LRRC37A3: variants seen among roughly 807,000 people sequenced by gnomAD.
LRRC37A3 encodes the protein leucine rich repeat containing 37 member A3.
In LRRC37A3, 25 loss-of-function variants were observed where a neutral mutation model predicts 106.2. That is an observed-to-expected ratio of 0.24 (90% CI 0.17 to 0.33). The LOEUF (loss-of-function observed/expected upper bound fraction) is 0.33, where lower values mean the gene tolerates loss of function less well. LRRC37A3 is among the 10% of genes least tolerant of loss of function. The pLI is 1.00. For missense variants in LRRC37A3, 712 were observed against 1,644.9 expected, an observed-to-expected ratio of 0.43 and a Z score of 9.81; for synonymous variants, 305 against 635.8, an observed-to-expected ratio of 0.48 and a Z score of 7.83.
At chr17:64,902,842 G>A (rs1250302818) in intron 2 of LRRC37A3, among the ~76,000 whole-genome samples, 1 of 148,288 alleles carries the variant, frequency 6.7e-6, no homozygotes, top group African/African-American at 2.5e-5. Context: ...AAGGCAGACA[G>A]CACAAGGGTA....
chr17:64,876,392 C>T (rs1338388365), intron 8 of LRRC37A3, among the ~76,000 whole-genome samples: 3 of 152,034 alleles, frequency 2.0e-5, no homozygotes, highest in South Asian at 2.1e-4. Flanking sequence ...AGTATGTTGC[C>T]CTGGCTGGCC....
Position 64,859,782 on chromosome 17 carries a change from G to T in LRRC37A3, c.4364C>A (p.Ser1455Tyr). Residue 1455 changes from serine (S) to tyrosine (Y), a missense_variant, in exon 12 of 15, where the codon TCC becomes TAC. Physicochemically the swap from Ser to Tyr is moderately radical, Grantham distance 144. Transcript: ENST00000584306. ...GTAATTGAAGCTTTTGGGCTCGGGG[G>T]ACAGGTCAGTGCCCACGTTGTTGTA... The part of the protein sequence containing the change: ...WEYNNVGTDL[S>Y]PEPKSFNYPL... The T allele has an allele frequency of 6.2e-7, 1 of 1,612,382 alleles. No individual in the cohort carries two copies. The highest frequency in any genetic ancestry group is 2.2e-5 in the East Asian group (1 of 44,876).
At chr17:64,910,333 GCA>G (rs1259570064) in intron 2 of LRRC37A3, among the ~76,000 whole-genome samples, 3 of 152,250 alleles carry the variant, frequency 2.0e-5, no homozygotes, top group Non-Finnish European at 4.4e-5. Flanking sequence ...GACAGCGTGA[GCA>G]CAATTATATT....
At chr17:64,881,252 CT>C (rs1018394996) in intron 8 of LRRC37A3, 8 of 695,400 alleles carry the variant, frequency 1.2e-5, no homozygotes, top group East Asian at 2.7e-5. Flanking sequence ...CTTTTCTTTT[CT>C]TTTTTTTGAG....
intron 8 of LRRC37A3, among the ~76,000 whole-genome samples, chr17:64,875,454 C>A (rs1973478697): frequency 6.6e-6 from 1 of 152,036 alleles, no homozygotes; most frequent in African/African-American, 2.4e-5. Flanking sequence ...TGCTAGAAGA[C>A]CTGCCCTATA....
At chr17:64,866,612 ATATATATATATATATATT>A (rs1973098280) in intron 10 of LRRC37A3, among the ~76,000 whole-genome samples, 2 of 21,362 alleles carry the variant, frequency 9.4e-5, no homozygotes, top group African/African-American at 5.4e-4. Context: ...ATATATATAT[ATATATATATATATATATT>A]TTTTTTTTTT....
chr17:64,866,612 A>ACACG (rs1350281883), intron 10 of LRRC37A3, among the ~76,000 whole-genome samples: 2 of 21,382 alleles, frequency 9.4e-5, no homozygotes, highest in African/African-American at 2.7e-4. Flanking sequence ...ATATATATAT[A>ACACG]TATATATATA....
intron 8 of LRRC37A3, among the ~76,000 whole-genome samples, chr17:64,880,195 G>A (rs6504262): frequency 0.96 from 145,316 of 151,672 alleles, 69,683 homozygotes; most frequent in East Asian, 1. Flanking sequence ...TGCCTGGGCC[G>A]TGGAGAGACT....
At chr17:64,863,150 G>C (rs536169910) in intron 10 of LRRC37A3, 132 bp from the exon 11 acceptor site, 1 of 1,217,466 alleles carries the variant, frequency 8.2e-7, no homozygotes, top group South Asian at 1.2e-5. Flanking sequence ...AGTTGGGTAG[G>C]AACCAGAAGG....
chr17:64,866,609 TA>T (rs1973095765), intron 10 of LRRC37A3, among the ~76,000 whole-genome samples: 1 of 20,206 alleles, frequency 4.9e-5, no homozygotes, highest in Non-Finnish European at 8.1e-5. Flanking sequence ...TATATATATA[TA>T]TATATATATA....
chr17:64,856,486 G>C (rs1022394721), intron 13 of LRRC37A3, among the ~76,000 whole-genome samples: 1 of 150,638 alleles, frequency 6.6e-6, no homozygotes, highest in African/African-American at 2.5e-5. Flanking sequence ...CTGGCCCCAT[G>C]TAATTTAAGT....
chr17:64,862,032 T>A (rs1293544068), intron 11 of LRRC37A3, among the ~76,000 whole-genome samples: 9 of 152,248 alleles, frequency 5.9e-5, no homozygotes, highest in Admixed American at 5.9e-4. Flanking sequence ...GATCTTGTTT[T>A]TCCTCATCTG....
intron 10 of LRRC37A3, among the ~76,000 whole-genome samples, chr17:64,865,578 T>C (rs1973040116): frequency 6.6e-6 from 1 of 152,244 alleles, no homozygotes; most frequent in Non-Finnish European, 1.5e-5. Context: ...TAGTTGCTAA[T>C]ACTTTGCCAC....
intron 8 of LRRC37A3, among the ~76,000 whole-genome samples, chr17:64,870,878 C>T (rs565679764): frequency 2.6e-4 from 39 of 151,852 alleles, no homozygotes; most frequent in African/African-American, 8.9e-4. Context: ...ACTCCCCTCC[C>T]CTCCCCACCC....
At chr17:64,889,941 AAC>A (rs1398315831) in intron 5 of LRRC37A3, among the ~76,000 whole-genome samples, 189 bp from the exon 6 acceptor site, 11 of 27,480 alleles carry the variant, frequency 4.0e-4, no homozygotes, top group Admixed American at 8.1e-4. Flanking sequence ...CACCACCACA[AAC>A]ACACACACAC....
At chr17:64,914,376 T>A (rs1974658628) in intron 2 of LRRC37A3, among the ~76,000 whole-genome samples, 1 of 151,414 alleles carries the variant, frequency 6.6e-6, no homozygotes, top group Non-Finnish European at 1.5e-5. Context: ...CTGGCCAACA[T>A]GGTGAAACCT....
At chr17:64,866,624 ATATATTTTT>A (rs1297444089) in intron 10 of LRRC37A3, among the ~76,000 whole-genome samples, 2 of 23,914 alleles carry the variant, frequency 8.4e-5, no homozygotes, top group African/African-American at 2.3e-4. Flanking sequence ...ATATATATAT[ATATATTTTT>A]TTTTTTTTTT....
At position 64,854,463 on chromosome 17, in the gene LRRC37A3, G is replaced by A; in HGVS notation, c.*136C>T. 2.4e-6 allele frequency: 3 copies of A among 1,252,006 alleles called. No homozygotes were observed. Among genetic ancestry groups the A allele is most frequent in the Non-Finnish European group, 3.4e-6 (3 of 873,800 alleles). The allele number at this position is 1,252,006 out of a possible 1,614,324, so 77.6% of individuals were successfully genotyped here. A position where few individuals can be genotyped will look rare whatever the true frequency, so the allele number is the denominator to read the frequency against. ...TAATTAGACTGGGAAACAAGGGCAG[G>A]AACGATGGCCCTGTGCTTGCTCTGC... On this transcript the variant is annotated 3_prime_UTR_variant, in exon 15 of 15. Transcript: ENST00000584306.
In LRRC37A3 at chr17:64,860,760, G is replaced by A. The variant is rs752813580; in HGVS notation, c.3386C>T (p.Ala1129Val). 102 of 1,613,972 alleles carry A rather than the reference G, an allele frequency of 6.3e-5. No individual in the cohort carries two copies. Among genetic ancestry groups the A allele is most frequent in the Non-Finnish European group, 8.6e-5 (101 of 1,179,984 alleles). ...TLSYILPYFS[A>V]VNLDVKSLLL... The stretch of plus-strand genomic sequence containing the variant: ...CAGTGATTTCACATCTAGGTTAACG[G>A]CTGAGAAATAAGGTAAGATGTAACT... Residue 1129 changes from alanine (A) to valine (V), a missense_variant, in exon 12 of 15, where the codon GCC (alanine) becomes GTC (valine). Coordinates refer to ENST00000584306, the MANE Select transcript of LRRC37A3 (RefSeq NM_199340.5).
Sources: gnomAD v4.1 joint callset for allele counts (sites outside exome capture counted in the v4.1 genomes callset) on GRCh38, gnomAD v4.1.1 for gene constraint, MANE v1.5 for transcripts, NCBI Gene and HGNC (gene_info 2026-07-23, HGNC 2026-07-21) for gene names.